Variants in TMEM87B observed in about 807,000 individuals in gnomAD.
TMEM87B encodes the protein transmembrane protein 87B.
In TMEM87B, 83 loss-of-function variants were observed where a neutral mutation model predicts 80.3. The ratio of observed to expected loss-of-function variants is 1.03; its 90% CI spans 0.87 to 1.24. The LOEUF (loss-of-function observed/expected upper bound fraction) is 1.24. Ranked by LOEUF, TMEM87B falls within the 50% of genes most tolerant of loss-of-function variation. The pLI is 0.00. For synonymous variants in TMEM87B, 219 were observed against 230.5 expected, an observed-to-expected ratio of 0.95 and a Z score of 0.45; for missense variants, 625 against 674.4, an observed-to-expected ratio of 0.93 and a Z score of 0.81.
intron 4 of TMEM87B, among the ~76,000 whole-genome samples, chr2:112,072,325 A>G (rs769348694): frequency 2.0e-5 from 3 of 152,072 alleles, no homozygotes; most frequent in Non-Finnish European, 4.4e-5. Flanking sequence ...CTCCTCCTCA[A>G]TTTTTTGGAA....
At chr2:112,064,074 C>G (rs1392103467) in intron 2 of TMEM87B, 88 bp from the exon 3 acceptor site, 1 of 1,081,758 alleles carries the variant, frequency 9.2e-7, no homozygotes, top group South Asian at 1.5e-5. Context: ...TTAAAGTAGC[C>G]TATTTTTAAT....
At chr2:112,063,403 C>G (rs1678316010) in intron 2 of TMEM87B, among the ~76,000 whole-genome samples, 1 of 152,172 alleles carries the variant, frequency 6.6e-6, no homozygotes, top group African/African-American at 2.4e-5. Flanking sequence ...AAAGAAAGGC[C>G]AAACTCCTCA....
In TMEM87B at chr2:112,055,301, C is replaced by CCTCCACGTCTCGCCGCCAA. The variant is rs1211454218; in HGVS notation, c.-284_-266dup. 1.7e-5 allele frequency: 8 copies of CCTCCACGTCTCGCCGCCAA among 458,742 alleles called. No homozygotes were observed. The Admixed American group carries it at 1.8e-4, about 10-fold the overall frequency. The allele number at this position is 458,742 out of a possible 1,614,324, so 28.4% of individuals were successfully genotyped here. ...CGCCCACGCTAGGCCCTGAGCCCAG[C>CCTCCACGTCTCGCCGCCAA]CTCCACGTCTCGCCGCCAACTCCAC... On this transcript the variant is annotated 5_prime_UTR_variant, in exon 1 of 19. Transcript: ENST00000283206.
At chr2:112,113,066 G>C in intron 18 of TMEM87B, 137 bp downstream of exon 18, 2 of 773,656 alleles carry the variant, frequency 2.6e-6, no homozygotes, top group Non-Finnish European at 4.0e-6. Context: ...GAATTGATTT[G>C]TGGGTAAAGT....
At chr2:112,070,063 T>C (rs1052961434) in intron 4 of TMEM87B, among the ~76,000 whole-genome samples, 3 of 152,228 alleles carry the variant, frequency 2.0e-5, no homozygotes, top group Admixed American at 6.5e-5. Context: ...TTATAGACAC[T>C]GGACATTAGA....
At chr2:112,075,586 T>G (rs1678789484) in intron 5 of TMEM87B, among the ~76,000 whole-genome samples, 1 of 152,184 alleles carries the variant, frequency 6.6e-6, no homozygotes, top group African/African-American at 2.4e-5. Context: ...ATTAAGGATT[T>G]AAAGAAATAG....
At chr2:112,102,827 C>T (rs1327730650) in intron 15 of TMEM87B, among the ~76,000 whole-genome samples, 1 of 152,180 alleles carries the variant, frequency 6.6e-6, no homozygotes, top group Admixed American at 6.5e-5. Context: ...TATGAAAACA[C>T]TCCACAGTTA....
chr2:112,084,170 C>G (rs576565347), intron 8 of TMEM87B, among the ~76,000 whole-genome samples: 1 of 152,182 alleles, frequency 6.6e-6, no homozygotes, highest in Non-Finnish European at 1.5e-5. Context: ...ACAGGCCACA[C>G]TGTACCAGAA....
Position 112,089,727 on chromosome 2 carries a change from T to C in TMEM87B, c.1032+9T>C, listed in dbSNP as rs752238715. On this transcript the variant is annotated intron_variant, in intron 10 of 18. Coordinates refer to ENST00000283206, the MANE Select transcript of TMEM87B (RefSeq NM_032824.3). ...TGATGAGAGTCATTGGGGTAAAAAC[T>C]ACATTATTCTACCACCCCTTTTTGT... 1.2e-5 allele frequency: 19 copies of C among 1,610,972 alleles called. No homozygotes were observed. In the East Asian group the frequency reaches 3.6e-4, roughly 30 times the overall value.
chr2:112,066,811 A>G (rs889293371), intron 3 of TMEM87B, 125 bp from the exon 4 acceptor site: 18 of 821,630 alleles, frequency 2.2e-5, no homozygotes, highest in East Asian at 1.2e-4. Flanking sequence ...ATTTTATTCT[A>G]TTGCGTATTT....
At chr2:112,109,325 G>C (rs957325567) in intron 17 of TMEM87B, among the ~76,000 whole-genome samples, 1 of 151,984 alleles carries the variant, frequency 6.6e-6, no homozygotes, top group African/African-American at 2.4e-5. Context: ...CTATATATGA[G>C]CTAAGACCTT....
At chr2:112,075,163 G>A (rs1347864242) in intron 5 of TMEM87B, among the ~76,000 whole-genome samples, 1 of 152,214 alleles carries the variant, frequency 6.6e-6, no homozygotes, top group Non-Finnish European at 1.5e-5. Context: ...ACTTTGGGAG[G>A]CTGAAGCAGG....
chr2:112,055,645 C>CTT lies in TMEM87B; in HGVS notation c.56_57dup (p.Pro20PhefsTer32), dbSNP rs764051676. ...GGCTCCTGCCACGCCGCCGCCGCTG[C>CTT]TTTCCCGCCCGGGCCCCGCTGCTGC... is the stretch of plus-strand genomic sequence containing the variant. On this transcript the variant is annotated frameshift_variant, in exon 1 of 19. Transcript: ENST00000283206. LOFTEE classifies it high-confidence loss of function. The CTT allele has an allele frequency of 3.8e-6, 6 of 1,564,468 alleles. No homozygotes were observed. Among genetic ancestry groups the CTT allele is most frequent in the Non-Finnish European group, 2.6e-6 (3 of 1,157,866 alleles).
intron 4 of TMEM87B, among the ~76,000 whole-genome samples, chr2:112,068,968 G>A (rs947107424): frequency 3.8e-4 from 58 of 151,854 alleles, no homozygotes; most frequent in African/African-American, 1.4e-3. Flanking sequence ...CGAGGCGGGT[G>A]GATCTTGAGG....
intron 17 of TMEM87B, among the ~76,000 whole-genome samples, chr2:112,110,450 T>C (rs1679880062): frequency 6.6e-6 from 1 of 152,208 alleles, no homozygotes; most frequent in Non-Finnish European, 1.5e-5. Context: ...TTTTAAGTTA[T>C]TGTATTTAAT....
chr2:112,067,887 C>G (rs777697720), intron 4 of TMEM87B, among the ~76,000 whole-genome samples: 3 of 152,144 alleles, frequency 2.0e-5, no homozygotes, highest in Non-Finnish European at 4.4e-5. Flanking sequence ...GCCTTTTCTC[C>G]CTACCAGTGT....
At chr2:112,110,434 T>A (rs1679879710) in intron 17 of TMEM87B, among the ~76,000 whole-genome samples, 1 of 152,196 alleles carries the variant, frequency 6.6e-6, no homozygotes, top group Non-Finnish European at 1.5e-5. Flanking sequence ...TATTGCCAAA[T>A]GTTCTTTTTA....
chr2:112,112,145 T>C (rs934037602), intron 17 of TMEM87B, among the ~76,000 whole-genome samples: 15 of 152,216 alleles, frequency 9.9e-5, no homozygotes, highest in Admixed American at 2.0e-4. Context: ...CGTGGCTCTT[T>C]CATGGCAAAA....
intron 2 of TMEM87B, among the ~76,000 whole-genome samples, chr2:112,063,166 A>G (rs1212897783): frequency 6.6e-6 from 1 of 152,200 alleles, no homozygotes; most frequent in African/African-American, 2.4e-5. Flanking sequence ...ACATTTTATC[A>G]GAGTTGGTCT....
Sources: allele counts gnomAD v4.1 joint callset (sites outside exome capture counted in the v4.1 genomes callset), GRCh38; gene constraint gnomAD v4.1.1; transcripts MANE v1.5; gene names NCBI Gene and HGNC (gene_info 2026-07-23, HGNC 2026-07-21).